LGR5: variants seen among roughly 807,000 people sequenced by gnomAD.
LGR5 encodes leucine rich repeat containing G protein-coupled receptor 5, also known as leucine-rich repeat-containing G protein-coupled receptor 5.
A neutral mutation model predicts 76.7 loss-of-function variants in LGR5; 54 were observed. The ratio of observed to expected loss-of-function variants is 0.70; its 90% confidence interval spans 0.57 to 0.88. LGR5 has a LOEUF of 0.88. Among genes scored for constraint, LGR5 ranks in the 40% least tolerant of loss-of-function variants. The probability of loss-of-function intolerance (pLI) is 0.00; values close to 1 mark genes in which losing one functional copy is unlikely to be tolerated. For missense variants in LGR5, 1,078 were observed against 1,073.3 expected, an observed-to-expected ratio of 1.00 and a Z score of -0.06; for synonymous variants, 406 against 421.9, an observed-to-expected ratio of 0.96 and a Z score of 0.46.
chr12:71,454,298 G>A (rs1346465423), intron 1 of LGR5, among the ~76,000 whole-genome samples: 1 of 152,114 alleles, frequency 6.6e-6, no homozygotes, highest in Non-Finnish European at 1.5e-5. Flanking sequence ...AAACCAGGAA[G>A]CTGATTTATT....
Position 71,448,218 on chromosome 12 carries a change from G to A in LGR5, c.212+7926G>A, listed in dbSNP as rs147002614. ...CACTGAAACACTGGTAAATACTTTT[G>A]TTCTCCTTTTTTCTTGAAACCTTGA... On this transcript the variant is annotated intron_variant, in intron 1 of 17. Transcript: ENST00000266674. Among the ~76,000 whole-genome samples, 942 of 151,964 alleles carry A rather than the reference G, an allele frequency of 6.2e-3. 9 individuals carry two copies. Among genetic ancestry groups the A allele is most frequent in the Middle Eastern group, 0.024 (7 of 292 alleles).
chr12:71,514,499 C>T (rs1299205383), intron 2 of LGR5, among the ~76,000 whole-genome samples: 1 of 147,116 alleles, frequency 6.8e-6, no homozygotes, highest in South Asian at 2.2e-4. Context: ...ACCCGGAAGG[C>T]GGAGCTTGCA....
chr12:71,579,063 C>T (rs1565778547), intron 15 of LGR5, 134 bp downstream of exon 15: 3 of 719,382 alleles, frequency 4.2e-6, no homozygotes, highest in Non-Finnish European at 6.3e-6. Context: ...GTCTCCTAAC[C>T]CTGGAGCATT....
chr12:71,460,053 C>T (rs1030560632), intron 1 of LGR5, among the ~76,000 whole-genome samples: 4 of 152,026 alleles, frequency 2.6e-5, no homozygotes, highest in African/African-American at 9.7e-5. Flanking sequence ...AAATCATTCA[C>T]TCCACTTGGA....
At chr12:71,470,100 C>T (rs1461790209) in intron 1 of LGR5, among the ~76,000 whole-genome samples, 1 of 152,184 alleles carries the variant, frequency 6.6e-6, no homozygotes. Flanking sequence ...GGTATCCATA[C>T]CACCAGCAGT....
At chr12:71,537,792 C>T (rs187182311) in intron 4 of LGR5, among the ~76,000 whole-genome samples, 62 of 152,288 alleles carry the variant, frequency 4.1e-4, no homozygotes, top group African/African-American at 1.3e-3. Context: ...CTCTGTGCTT[C>T]CGTATCAATA....
intron 1 of LGR5, among the ~76,000 whole-genome samples, chr12:71,494,980 T>G (rs1874245707): frequency 6.6e-6 from 1 of 151,094 alleles, no homozygotes; most frequent in Non-Finnish European, 1.5e-5. Flanking sequence ...GACCTCCAGA[T>G]GCAGTGAGAA....
intron 1 of LGR5, among the ~76,000 whole-genome samples, chr12:71,472,153 T>G (rs961425422): frequency 1.3e-5 from 2 of 152,186 alleles, no homozygotes; most frequent in African/African-American, 4.8e-5. Flanking sequence ...CTAGTGAAAT[T>G]TTTTTAAACA....
At chr12:71,561,328 TCTTC>T (rs1347786462) in intron 7 of LGR5, among the ~76,000 whole-genome samples, 3 of 152,200 alleles carry the variant, frequency 2.0e-5, no homozygotes, top group Non-Finnish European at 4.4e-5. Context: ...AGGGCACCTT[TCTTC>T]AAGTCAGAAA....
At chr12:71,492,605 C>G (rs187576301) in intron 1 of LGR5, among the ~76,000 whole-genome samples, 1 of 152,136 alleles carries the variant, frequency 6.6e-6, no homozygotes, top group African/African-American at 2.4e-5. Flanking sequence ...ACCAGAGAAT[C>G]CCTCAGAACC....
chr12:71,528,399 C>T (rs1330302286), intron 3 of LGR5, among the ~76,000 whole-genome samples: 3 of 152,000 alleles, frequency 2.0e-5, no homozygotes, highest in East Asian at 1.9e-4. Flanking sequence ...GAGGTTGGGG[C>T]TACAGTGAGC....
intron 4 of LGR5, among the ~76,000 whole-genome samples, chr12:71,550,544 T>A (rs1303193125): frequency 6.6e-6 from 1 of 150,996 alleles, no homozygotes; most frequent in African/African-American, 2.4e-5. Context: ...CACTGCAGCG[T>A]CTGCCTCCTG....
intron 8 of LGR5, among the ~76,000 whole-genome samples, chr12:71,562,682 C>A (rs539735966): frequency 3.3e-5 from 5 of 152,106 alleles, no homozygotes; most frequent in African/African-American, 9.7e-5. Flanking sequence ...GGCTCTTAGA[C>A]AAAAGGCTCC....
At chr12:71,507,844 A>G (rs552947390) in intron 2 of LGR5, among the ~76,000 whole-genome samples, 2 of 151,952 alleles carry the variant, frequency 1.3e-5, no homozygotes, top group African/African-American at 4.8e-5. Context: ...TTTGTGCTTT[A>G]TCTCTTTATA....
chr12:71,541,506 G>T (rs985636240), intron 4 of LGR5, among the ~76,000 whole-genome samples: 6 of 152,196 alleles, frequency 3.9e-5, no homozygotes, highest in African/African-American at 1.4e-4. Flanking sequence ...GTGAGGCACA[G>T]TCTTTCTGCC....
At chr12:71,566,789 T>G (rs1283453787) in intron 10 of LGR5, 52 bp from the exon 11 acceptor site, 1 of 1,583,582 alleles carries the variant, frequency 6.3e-7, no homozygotes, top group African/African-American at 1.3e-5. Context: ...TCAAAATATG[T>G]CACTGTGTGA....
chr12:71,499,911 T>A (rs180996197), intron 1 of LGR5, among the ~76,000 whole-genome samples: 1 of 151,990 alleles, frequency 6.6e-6, no homozygotes, highest in Admixed American at 6.5e-5. Context: ...TGACCCAGAA[T>A]GAGGAGACAC....
intron 2 of LGR5, among the ~76,000 whole-genome samples, chr12:71,510,935 G>A (rs1875123170): frequency 6.6e-6 from 1 of 152,138 alleles, no homozygotes; most frequent in Non-Finnish European, 1.5e-5. Context: ...CTGGAGCAGA[G>A]TAAGAGAGAG....
chr12:71,497,219 G>T (rs1874369110), intron 1 of LGR5, among the ~76,000 whole-genome samples: 1 of 152,114 alleles, frequency 6.6e-6, no homozygotes, highest in African/African-American at 2.4e-5. Context: ...GCAGGCTGAG[G>T]TGGGGAGATA....
Sources: allele counts gnomAD v4.1 joint callset (sites outside exome capture counted in the v4.1 genomes callset), GRCh38; gene constraint gnomAD v4.1.1; transcripts MANE v1.5; gene names NCBI Gene and HGNC (gene_info 2026-07-23, HGNC 2026-07-21).